The following CADM2 variants were observed in gnomAD, a reference collection of about 807,000 sequenced individuals.
The protein encoded by CADM2 is immunoglobulin superfamily member 4D.
A neutral mutation model predicts 49.8 loss-of-function variants in CADM2; 12 were observed. The ratio of observed to expected loss-of-function variants is 0.24; its 90% CI spans 0.15 to 0.39. The LOEUF (loss-of-function observed/expected upper bound fraction) is 0.39. Among genes scored for constraint, CADM2 ranks in the 10% least tolerant of loss-of-function variants. CADM2 has a pLI of 1.00. For missense variants in CADM2, 378 were observed against 492.3 expected (o/e 0.77, Z 2.20); for synonymous variants, 214 against 175.4 (o/e 1.22, Z -1.74).
At chr3:85,650,080 T>C (rs1386465573) in intron 1 of CADM2, among the ~76,000 whole-genome samples, 1 of 152,204 alleles carries the variant, frequency 6.6e-6, no homozygotes, top group Non-Finnish European at 1.5e-5. Context: ...GGTCATTTTT[T>C]TGTGGCTACA....
At position 85,638,455 on chromosome 3, in the gene CADM2, A is replaced by G. The variant is rs1017748351; in HGVS notation, c.62-88067A>G. Among the ~76,000 whole-genome samples the G allele has an allele frequency of 8.5e-4, 129 of 152,218 alleles. 2 individuals carry two copies. Among genetic ancestry groups the G allele is most frequent in the African/African-American group, 3.1e-3 (128 of 41,584 alleles). Reference sequence around the variant, plus strand: ...CATTGAACATTTGGTTATTTCCTCAAAGTTATGATTTTTAGAACAAGAGGT... The same window carrying G: ...CATTGAACATTTGGTTATTTCCTCAGAGTTATGATTTTTAGAACAAGAGGT... On this transcript the variant is annotated intron_variant, in intron 1 of 9. Transcript: ENST00000383699.
At chr3:85,815,368 C>A (rs1396508639) in intron 3 of CADM2, among the ~76,000 whole-genome samples, 2 of 152,122 alleles carry the variant, frequency 1.3e-5, no homozygotes, top group East Asian at 1.9e-4. Context: ...CAAACTGTAT[C>A]CAGCAGCACA....
chr3:85,349,202 C>T (rs1056686321), intron 1 of CADM2, among the ~76,000 whole-genome samples: 8 of 152,302 alleles, frequency 5.3e-5, no homozygotes, highest in African/African-American at 1.7e-4. Flanking sequence ...TTTCTGTTCA[C>T]ACAGCCTCTC....
intron 1 of CADM2, among the ~76,000 whole-genome samples, chr3:85,501,667 TC>T (rs1256956666): frequency 6.6e-6 from 1 of 152,160 alleles, no homozygotes; most frequent in Non-Finnish European, 1.5e-5. Context: ...ATTTACATAT[TC>T]TTTTGTATTT....
chr3:85,541,773 T>TATATATATATATATATATATA (rs1553739263), intron 1 of CADM2, among the ~76,000 whole-genome samples: 2 of 6,180 alleles, frequency 3.2e-4, no homozygotes, highest in African/African-American at 4.7e-4. Context: ...ATATTTTATA[T>TATATATATATATATATATATA]TTTATATATA....
intron 2 of CADM2, among the ~76,000 whole-genome samples, chr3:85,768,083 T>C (rs2069756380): frequency 6.6e-6 from 1 of 152,190 alleles, no homozygotes; most frequent in East Asian, 1.9e-4. Flanking sequence ...TATTTGATGG[T>C]CTCATATTAA....
intron 1 of CADM2, among the ~76,000 whole-genome samples, chr3:85,479,471 A>G (rs1317649375): frequency 2.0e-5 from 3 of 151,962 alleles, no homozygotes; most frequent in Non-Finnish European, 4.4e-5. Context: ...GATTGTTAAG[A>G]TTAGAGAAAT....
chr3:85,629,166 ATAT>A (rs1468620633), intron 1 of CADM2, among the ~76,000 whole-genome samples: 2 of 151,962 alleles, frequency 1.3e-5, no homozygotes, highest in African/African-American at 4.8e-5. Flanking sequence ...TTTTTAAGTA[ATAT>A]TTTAAAGTAT....
Position 85,604,706 on chromosome 3 carries a change from T to C in CADM2, c.62-121816T>C, listed in dbSNP as rs551180927. Among the ~76,000 whole-genome samples, 38 of 151,854 alleles carry C rather than the reference T, an allele frequency of 2.5e-4. No individual in the cohort carries two copies. In the South Asian group the frequency reaches 5.2e-3, roughly 21 times the overall value. On this transcript the variant is annotated intron_variant, in intron 1 of 9. Coordinates refer to ENST00000383699, the MANE Select transcript of CADM2 (RefSeq NM_001167675.2). ...TCTTTTTGTTGTCTGTTAATTAATT[T>C]CTGCCGAGATTCTACAATTCTTATA...
chr3:85,429,915 A>C (rs938020701), intron 1 of CADM2, among the ~76,000 whole-genome samples: 1 of 152,178 alleles, frequency 6.6e-6, no homozygotes, highest in Non-Finnish European at 1.5e-5. Flanking sequence ...ACCCTAAAAT[A>C]CTATCTGGCT....
At chr3:85,173,980 G>A (rs1267324426) in intron 1 of CADM2, among the ~76,000 whole-genome samples, 2 of 151,974 alleles carry the variant, frequency 1.3e-5, no homozygotes, top group Non-Finnish European at 2.9e-5. Context: ...GGACTCAGGA[G>A]GTAATCTATT....
intron 8 of CADM2, among the ~76,000 whole-genome samples, chr3:85,979,905 T>C (rs985014771): frequency 6.6e-6 from 1 of 151,558 alleles, no homozygotes; most frequent in African/African-American, 2.4e-5. Context: ...TCTGATATCA[T>C]TATACAAATA....
intron 1 of CADM2, among the ~76,000 whole-genome samples, chr3:85,543,230 T>TTTTA (rs1260558335): frequency 6.0e-5 from 6 of 100,750 alleles, no homozygotes; most frequent in African/African-American, 8.1e-5. Flanking sequence ...CCACAACTCT[T>TTTTA]TTTATTTATT....
chr3:84,973,061 G>A (rs760539918), intron 1 of CADM2, among the ~76,000 whole-genome samples: 1 of 151,994 alleles, frequency 6.6e-6, no homozygotes, highest in Non-Finnish European at 1.5e-5. Flanking sequence ...CTACAGGCAC[G>A]TGCCACCACG....
intron 1 of CADM2, among the ~76,000 whole-genome samples, chr3:85,339,862 A>G (rs985100585): frequency 6.6e-6 from 1 of 151,486 alleles, no homozygotes; most frequent in African/African-American, 2.4e-5. Flanking sequence ...TGTGCAATAG[A>G]CAAAACATCT....
chr3:85,548,898 A>G (rs908257544), intron 1 of CADM2, among the ~76,000 whole-genome samples: 18 of 152,240 alleles, frequency 1.2e-4, no homozygotes, highest in Admixed American at 9.2e-4. Context: ...GTCATGTCAT[A>G]CATTGTAATA....
chr3:85,476,365 C>A (rs1428032448), intron 1 of CADM2, among the ~76,000 whole-genome samples: 3 of 151,770 alleles, frequency 2.0e-5, no homozygotes, highest in Non-Finnish European at 4.4e-5. Context: ...GAGTTTAGCA[C>A]CCCATGTCTT....
At chr3:85,517,698 T>A (rs2060937457) in intron 1 of CADM2, among the ~76,000 whole-genome samples, 1 of 152,190 alleles carries the variant, frequency 6.6e-6, no homozygotes, top group Admixed American at 6.5e-5. Context: ...TTAGTTTAAT[T>A]AAAAATATAT....
chr3:84,966,771 G>GAGTC (rs2031027891), intron 1 of CADM2, among the ~76,000 whole-genome samples: 1 of 152,010 alleles, frequency 6.6e-6, no homozygotes, highest in African/African-American at 2.4e-5. Flanking sequence ...AACTCTTTCT[G>GAGTC]AGTCAGCAAA....
Sources: allele counts gnomAD v4.1 joint callset (sites outside exome capture counted in the v4.1 genomes callset), GRCh38; gene constraint gnomAD v4.1.1; transcripts MANE v1.5; gene names NCBI Gene and HGNC (gene_info 2026-07-23, HGNC 2026-07-21).